Variants in KCNG3 observed in about 807,000 individuals in gnomAD.
KCNG3 encodes potassium voltage-gated channel modifier subfamily G member 3, also known as voltage-gated potassium channel regulatory subunit KCNG3.
A neutral mutation model predicts 29.0 loss-of-function variants in KCNG3; 15 were observed. The ratio of observed to expected loss-of-function variants is 0.52; its 90% CI spans 0.35 to 0.80. The LOEUF (loss-of-function observed/expected upper bound fraction) is 0.80, where lower values mean the gene tolerates loss of function less well. Ranked by LOEUF, KCNG3 falls within the 30% of genes least tolerant of loss-of-function variation. The pLI is 0.01. For missense variants in KCNG3, 512 were observed against 605.7 expected, an observed-to-expected ratio of 0.85 and a Z score of 1.62; for synonymous variants, 322 against 248.9, an observed-to-expected ratio of 1.29 and a Z score of -2.76.
At chr2:42,403,373 A>C in the KCNG3 span, among the ~76,000 whole-genome samples, 1 of 151,136 alleles carries the variant, frequency 6.6e-6, no homozygotes, top group African/African-American at 2.4e-5. Flanking sequence ...GAACTCCTGG[A>C]CTCAAGGGTT....
the KCNG3 span, among the ~76,000 whole-genome samples, chr2:42,407,549 G>T: frequency 6.6e-6 from 1 of 152,162 alleles, no homozygotes; most frequent in Non-Finnish European, 1.5e-5. Flanking sequence ...CTGAATTGGT[G>T]GGGTGGGAGC....
the KCNG3 span, among the ~76,000 whole-genome samples, chr2:42,431,739 A>T: frequency 5.9e-5 from 9 of 152,336 alleles, no homozygotes; most frequent in East Asian, 1.7e-3. Context: ...GAATTACATT[A>T]AAAAATCTGG....
chr2:42,493,438 G>A lies in KCNG3; in HGVS notation c.64C>T (p.Leu22=), dbSNP rs1415464878. 7.5e-6 allele frequency: 11 copies of A among 1,473,068 alleles called. No homozygotes were observed. The highest frequency in any genetic ancestry group is 8.9e-6 in the Non-Finnish European group (10 of 1,118,292). The allele number at this position is 1,473,068 out of a possible 1,614,324, so 91.2% of individuals were successfully genotyped here. A position where few individuals can be genotyped will look rare whatever the true frequency, so the allele number is the denominator to read the frequency against. Reference sequence around the variant, plus strand: ...AAGTCCTTCAGCAGCTCCCGGGACAGCGAATACCGGGCGCCGCCCACGTTC... The same window carrying A: ...AAGTCCTTCAGCAGCTCCCGGGACAACGAATACCGGGCGCCGCCCACGTTC... The part of the protein sequence containing the change: ...VLNVGGARYS[L]SRELLKDFPL... The change falls in exon 1 of 2, where the codon CTG becomes TTG. Residue 22 remains leucine, a synonymous_variant. Transcript: ENST00000306078.
chr2:42,393,717 T>C, the KCNG3 span, among the ~76,000 whole-genome samples: 3 of 152,098 alleles, frequency 2.0e-5, no homozygotes, highest in Non-Finnish European at 4.4e-5. Context: ...TGCATCCAAA[T>C]TGCAGTCTAG....
chr2:42,429,786 G>A, the KCNG3 span, among the ~76,000 whole-genome samples: 47 of 152,202 alleles, frequency 3.1e-4, no homozygotes, highest in Non-Finnish European at 1.0e-4. Flanking sequence ...AAGCTGGAAA[G>A]TATGAAGAGA....
chr2:42,391,605 T>C, the KCNG3 span, among the ~76,000 whole-genome samples: 5 of 135,088 alleles, frequency 3.7e-5, no homozygotes, highest in Non-Finnish European at 6.4e-5. Flanking sequence ...CTTTTTTTTT[T>C]TTTTTTTTTT....
At chr2:42,433,693 G>A in the KCNG3 span, among the ~76,000 whole-genome samples, 1 of 152,050 alleles carries the variant, frequency 6.6e-6, no homozygotes, top group Non-Finnish European at 1.5e-5. Context: ...AGCTGTGATG[G>A]TGCCACTGCA....
At chr2:42,431,745 T>A in the KCNG3 span, among the ~76,000 whole-genome samples, 1 of 152,164 alleles carries the variant, frequency 6.6e-6, no homozygotes, top group Non-Finnish European at 1.5e-5. Context: ...CATTAAAAAA[T>A]CTGGGCTTAG....
chr2:42,477,002 G>A (rs563561431), intron 1 of KCNG3, among the ~76,000 whole-genome samples: 169 of 147,368 alleles, frequency 1.1e-3, no homozygotes, highest in Non-Finnish European at 2.2e-3. Flanking sequence ...TGGCTAACAC[G>A]GTGAAACCCC....
chr2:42,492,740 G>A (rs1673925721), intron 1 of KCNG3, 97 bp downstream of exon 1: 6 of 1,205,202 alleles, frequency 5.0e-6, no homozygotes, highest in Non-Finnish European at 5.4e-6. Flanking sequence ...CGCTGGCTCG[G>A]TCGCCCGGAG....
At chr2:42,427,853 T>G in the KCNG3 span, among the ~76,000 whole-genome samples, 1 of 152,198 alleles carries the variant, frequency 6.6e-6, no homozygotes, top group East Asian at 1.9e-4. Flanking sequence ...CTTTGGAGAT[T>G]TCAAGTCAAT....
the KCNG3 span, among the ~76,000 whole-genome samples, chr2:42,411,968 G>C: frequency 6.6e-6 from 1 of 152,182 alleles, no homozygotes; most frequent in African/African-American, 2.4e-5. Flanking sequence ...ATTTAGCTTT[G>C]ATGAATCAAA....
At chr2:42,410,220 C>T in the KCNG3 span, among the ~76,000 whole-genome samples, 12 of 152,198 alleles carry the variant, frequency 7.9e-5, no homozygotes, top group Admixed American at 7.8e-4. Context: ...TGGGGGCAAT[C>T]GGATTATTTA....
chr2:42,413,364 A>C, the KCNG3 span, among the ~76,000 whole-genome samples: 1 of 152,172 alleles, frequency 6.6e-6, no homozygotes, highest in Non-Finnish European at 1.5e-5. Flanking sequence ...ATAGCAATAT[A>C]CTAATAGTGA....
downstream of KCNG3, among the ~76,000 whole-genome samples, chr2:42,441,264 T>C (rs141384860): frequency 1.5e-3 from 235 of 151,638 alleles, no homozygotes; most frequent in African/African-American, 5.6e-3. Flanking sequence ...GATGCACACC[T>C]ATAGTCCTAG....
the KCNG3 span, among the ~76,000 whole-genome samples, chr2:42,403,477 G>GTTTTTTTTTTT: frequency 1.1e-5 from 1 of 87,762 alleles, no homozygotes; most frequent in Non-Finnish European, 2.2e-5. Flanking sequence ...TTTCTTTTCT[G>GTTTTTTTTTTT]TTTTTTTTTT....
chr2:42,407,650 C>T, the KCNG3 span, among the ~76,000 whole-genome samples: 1 of 152,152 alleles, frequency 6.6e-6, no homozygotes, highest in South Asian at 2.1e-4. Flanking sequence ...GCAGCTGCAG[C>T]TGCCCAAATC....
At chr2:42,453,494 C>T (rs1236178491) in intron 1 of KCNG3, among the ~76,000 whole-genome samples, 1 of 152,092 alleles carries the variant, frequency 6.6e-6, no homozygotes, top group Admixed American at 6.6e-5. Flanking sequence ...GTTTGCCATT[C>T]GTATGTCTTC....
chr2:42,403,612 CT>C, the KCNG3 span, among the ~76,000 whole-genome samples: 6 of 130,882 alleles, frequency 4.6e-5, no homozygotes, highest in East Asian at 4.3e-4. Context: ...CTCTACGTGA[CT>C]TTTTTTTCTT....
Sources: gnomAD v4.1 joint callset for allele counts (sites outside exome capture counted in the v4.1 genomes callset) on GRCh38, gnomAD v4.1.1 for gene constraint, MANE v1.5 for transcripts, NCBI Gene and HGNC (gene_info 2026-07-23, HGNC 2026-07-21) for gene names.